Variants in USP54 observed in about 807,000 individuals in gnomAD.
USP54 encodes the protein ubiquitin specific peptidase 54, also known as ubiquitin carboxyl-terminal hydrolase 54.
In USP54, 87 loss-of-function variants were observed where a neutral mutation model predicts 170.5. The observed-to-expected ratio is 0.51, with a 90% CI of 0.43 to 0.61. USP54 has a LOEUF of 0.61. USP54 is among the 20% of genes least tolerant of loss of function. USP54 has a pLI of 0.00. For missense variants in USP54, 1,786 were observed against 2,047.8 expected, an observed-to-expected ratio of 0.87 and a Z score of 2.47; for synonymous variants, 655 against 742.8, an observed-to-expected ratio of 0.88 and a Z score of 1.92.
rs1458548093 is a variant in USP54, at chr10:73,530,457, A to G, written c.1514T>C (p.Leu505Pro). The change falls in exon 14 of 24, where the codon CTG (leucine) becomes CCG (proline). Residue 505 changes from leucine to proline, a missense_variant. Transcript: ENST00000687698. ...GCTGACTGTCTCTTTAAAATCTCTC[A>G]GCCTGTTGGTGCTGCTGGATGGTTT... ...ASKPSSSTNRLRDFKETVSNM... is the reference protein window; with the variant it reads ...ASKPSSSTNRPRDFKETVSNM... 1.2e-6 allele frequency: 2 copies of G among 1,614,072 alleles called. No homozygotes were observed. Among genetic ancestry groups the G allele is most frequent in the Admixed American group, 1.7e-5 (1 of 59,996 alleles).
intron 2 of USP54, 43 bp downstream of exon 2, chr10:73,575,755 C>A: frequency 7.2e-7 from 1 of 1,389,128 alleles, no homozygotes; most frequent in Non-Finnish European, 9.6e-7. Context: ...AAAGGGAATC[C>A]AGAATTTAGT....
chr10:73,528,611 T>C (rs1206159907), intron 15 of USP54, among the ~76,000 whole-genome samples: 2 of 151,042 alleles, frequency 1.3e-5, no homozygotes, highest in East Asian at 2.0e-4. Context: ...CTCTGTCGCC[T>C]AGGCTGGAGT....
Position 73,563,874 on chromosome 10 carries a change from G to A in USP54, c.240+7547C>T, listed in dbSNP as rs149328053. Among the ~76,000 whole-genome samples, 39 of 152,102 alleles carry A rather than the reference G, an allele frequency of 2.6e-4. 1 individual carries two copies. In the East Asian group the frequency reaches 5.2e-3, roughly 20 times the overall value. On this transcript the variant is annotated intron_variant, in intron 4 of 23. Transcript: ENST00000687698. ...TTCTTTATGGAGTCTTTAGATGAAT[G>A]AAAGTTTTTGAATTTTTGTAGTAAA...
intron 17 of USP54, among the ~76,000 whole-genome samples, chr10:73,521,379 A>C (rs1257249537): frequency 6.6e-6 from 1 of 152,234 alleles, no homozygotes; most frequent in East Asian, 1.9e-4. Context: ...AGAACAAAGT[A>C]ATAGCAGAAG....
At chr10:73,515,545 T>C (rs1278538836) in intron 20 of USP54, among the ~76,000 whole-genome samples, 2 of 152,252 alleles carry the variant, frequency 1.3e-5, no homozygotes, top group African/African-American at 4.8e-5. Context: ...ATATAGTACA[T>C]TAAAAATTCC....
At chr10:73,608,222 C>G (rs982686280) in intron 1 of USP54, among the ~76,000 whole-genome samples, 1 of 151,628 alleles carries the variant, frequency 6.6e-6, no homozygotes, top group Non-Finnish European at 1.5e-5. Flanking sequence ...TTCATGACAC[C>G]GCACTCCAGC....
chr10:73,503,677 A>G (rs1311483119), intron 22 of USP54, among the ~76,000 whole-genome samples: 3 of 152,198 alleles, frequency 2.0e-5, no homozygotes, highest in Admixed American at 1.3e-4. Context: ...TTGCTTAGGA[A>G]TTTATGAACG....
chr10:73,623,254 C>A (rs544943052), intron 1 of USP54, among the ~76,000 whole-genome samples: 1 of 152,052 alleles, frequency 6.6e-6, no homozygotes, highest in East Asian at 1.9e-4. Context: ...CGCGTGGTTG[C>A]ATGCACCTGT....
At chr10:73,503,333 T>C (rs2058508249) in intron 22 of USP54, among the ~76,000 whole-genome samples, 1 of 152,246 alleles carries the variant, frequency 6.6e-6, no homozygotes, top group African/African-American at 2.4e-5. Context: ...TAACTGTTTG[T>C]TTATTTATCC....
At chr10:73,608,253 C>A (rs1458503113) in intron 1 of USP54, among the ~76,000 whole-genome samples, 1 of 151,786 alleles carries the variant, frequency 6.6e-6, no homozygotes, top group Admixed American at 6.6e-5. Flanking sequence ...GAGCGAGATT[C>A]CATCTCAAAA....
intron 1 of USP54, among the ~76,000 whole-genome samples, chr10:73,614,619 T>C (rs1316134130): frequency 7.0e-6 from 1 of 142,272 alleles, no homozygotes; most frequent in Non-Finnish European, 1.5e-5. Context: ...ACACAAATGG[T>C]GGATATATGG....
intron 4 of USP54, among the ~76,000 whole-genome samples, chr10:73,551,255 C>T (rs1590291277): frequency 6.6e-6 from 1 of 152,286 alleles, no homozygotes; most frequent in South Asian, 2.1e-4. Context: ...GTGGGAGAGG[C>T]AGTGCCAGCA....
chr10:73,526,871 T>A, intron 15 of USP54, 91 bp from the exon 16 acceptor site: 2 of 1,295,934 alleles, frequency 1.5e-6, no homozygotes, highest in Non-Finnish European at 2.1e-6. Context: ...AAAAAAAAAA[T>A]CAAACTACAC....
At chr10:73,625,403 A>G (rs2081448495) in intron 1 of USP54, among the ~76,000 whole-genome samples, 1 of 152,086 alleles carries the variant, frequency 6.6e-6, no homozygotes, top group South Asian at 2.1e-4. Context: ...GGACGCCACC[A>G]TTCCCGCCAC....
chr10:73,548,897 A>G (rs749297596), intron 4 of USP54, among the ~76,000 whole-genome samples: 13 of 152,214 alleles, frequency 8.5e-5, no homozygotes, highest in Non-Finnish European at 1.3e-4. Flanking sequence ...TAATTTATTC[A>G]TATTAAAATA....
At chr10:73,551,636 T>C (rs959351158) in intron 4 of USP54, among the ~76,000 whole-genome samples, 1 of 152,208 alleles carries the variant, frequency 6.6e-6, no homozygotes, top group African/African-American at 2.4e-5. Flanking sequence ...TCAACCCAGC[T>C]TGGCAAAATT....
chr10:73,547,854 T>G lies in USP54; in HGVS notation c.241-2182A>C, dbSNP rs1322731174. Among the ~76,000 whole-genome samples the G allele has an allele frequency of 2.6e-5, 4 of 152,080 alleles. No homozygotes were observed. In the South Asian group the frequency reaches 6.2e-4, roughly 24 times the overall value. The stretch of plus-strand genomic sequence containing the variant: ...TTCATGACTAAAACACCAAAAGCAA[T>G]GGCAATAAAAGCCAAAATACACAAA... On this transcript the variant is annotated intron_variant, in intron 4 of 23. Coordinates refer to ENST00000687698, the MANE Select transcript of USP54 (RefSeq NM_001391956.1).
At chr10:73,574,371 G>T (rs779430022) in intron 3 of USP54, among the ~76,000 whole-genome samples, 3 of 152,100 alleles carry the variant, frequency 2.0e-5, no homozygotes, top group Non-Finnish European at 4.4e-5. Context: ...TCAATATGTG[G>T]GCCAAAAGCC....
chr10:73,551,822 T>C (rs912123334), intron 4 of USP54, among the ~76,000 whole-genome samples: 4 of 152,226 alleles, frequency 2.6e-5, no homozygotes, highest in Non-Finnish European at 5.9e-5. Context: ...GATAGTTCTA[T>C]ACAAATCTGA....
Sources: gnomAD v4.1 joint callset for allele counts (sites outside exome capture counted in the v4.1 genomes callset) on GRCh38, gnomAD v4.1.1 for gene constraint, MANE v1.5 for transcripts, NCBI Gene and HGNC (gene_info 2026-07-23, HGNC 2026-07-21) for gene names.